Variants in KCNJ15 observed in about 807,000 individuals in gnomAD.
The protein encoded by KCNJ15 is potassium inwardly rectifying channel subfamily J member 15, also known as ATP-sensitive inward rectifier potassium channel 15.
A neutral mutation model predicts 23.0 loss-of-function variants in KCNJ15; 14 were observed. The ratio of observed to expected loss-of-function variants is 0.61; its 90% CI spans 0.40 to 0.95. KCNJ15 has a LOEUF of 0.95. KCNJ15 is among the 40% of genes least tolerant of loss of function. KCNJ15 has a pLI of 0.00. For missense variants in KCNJ15, 388 were observed against 461.8 expected (o/e 0.84, Z 1.46); for synonymous variants, 185 against 183.2 (o/e 1.01, Z -0.08).
At chr21:38,286,555 G>A (rs537064789) in intron 1 of KCNJ15, among the ~76,000 whole-genome samples, 1 of 152,304 alleles carries the variant, frequency 6.6e-6, no homozygotes, top group Admixed American at 6.5e-5. Context: ...TAAGTGTCCA[G>A]CCAATTTTCA....
chr21:38,280,113 C>G (rs1209242996), intron 1 of KCNJ15, among the ~76,000 whole-genome samples: 1 of 152,124 alleles, frequency 6.6e-6, no homozygotes, highest in Non-Finnish European at 1.5e-5. Context: ...AGACTGAGTC[C>G]TGGTGGGCCA....
At chr21:38,230,571 GT>G (rs568450603) in intron 1 of KCNJ15, among the ~76,000 whole-genome samples, 22 of 150,996 alleles carry the variant, frequency 1.5e-4, no homozygotes, top group African/African-American at 2.9e-4. Flanking sequence ...TCTCTTGTCA[GT>G]TTTTTTTTGT....
chr21:38,246,759 G>A (rs1318577834), intron 1 of KCNJ15, among the ~76,000 whole-genome samples: 1 of 152,190 alleles, frequency 6.6e-6, no homozygotes, highest in African/African-American at 2.4e-5. Context: ...AGGAGTGTGT[G>A]TGTGGGTTAA....
intron 1 of KCNJ15, among the ~76,000 whole-genome samples, chr21:38,247,684 A>G (rs1488262117): frequency 1.3e-5 from 2 of 152,224 alleles, no homozygotes; most frequent in Admixed American, 6.5e-5. Flanking sequence ...CTGTATGCCC[A>G]TATGTTCTTC....
In KCNJ15 at chr21:38,273,520, A is replaced by T. The variant is rs16997987; in HGVS notation, c.-117+16335A>T. 8.3e-3 allele frequency among the ~76,000 whole-genome samples: 1,272 copies of T among 152,352 alleles called. 23 individuals are homozygous for T. The highest frequency in any genetic ancestry group is 0.029 in the African/African-American group (1,190 of 41,562). ...ACCTATTCATGTCTAATACTTTTCT[A>T]CTTGGTCTATTTCCATGTCCTGTCA... On this transcript the variant is annotated intron_variant, in intron 1 of 2. Coordinates refer to ENST00000398938, the MANE Select transcript of KCNJ15 (RefSeq NM_170736.3).
At chr21:38,255,266 G>A (rs2123591159), upstream of KCNJ15, among the ~76,000 whole-genome samples, 1 of 152,336 alleles carries the variant, frequency 6.6e-6, no homozygotes, top group East Asian at 1.9e-4. Flanking sequence ...ATTCCAGGCC[G>A]AGGAAACAGC....
intron 1 of KCNJ15, among the ~76,000 whole-genome samples, chr21:38,288,018 G>GTTTTTTCTT (rs1569010852): frequency 3.8e-5 from 1 of 26,018 alleles, no homozygotes; most frequent in African/African-American, 9.6e-5. Context: ...TAAATAACTT[G>GTTTTTTCTT]TTTTTTTCTT....
At chr21:38,273,816 G>A (rs1434044285) in intron 1 of KCNJ15, among the ~76,000 whole-genome samples, 1 of 152,214 alleles carries the variant, frequency 6.6e-6, no homozygotes, top group African/African-American at 2.4e-5. Context: ...TGACCATGCT[G>A]GAAGAAGACT....
chr21:38,289,767 C>T (rs1267639780), intron 1 of KCNJ15, among the ~76,000 whole-genome samples: 4 of 152,118 alleles, frequency 2.6e-5, no homozygotes, highest in African/African-American at 9.7e-5. Context: ...CAGTGCATTA[C>T]GGAGGCTGAC....
intron 1 of KCNJ15, among the ~76,000 whole-genome samples, chr21:38,249,203 A>G (rs1726960765): frequency 6.6e-6 from 1 of 152,178 alleles, no homozygotes; most frequent in African/African-American, 2.4e-5. Flanking sequence ...GCAAGATAAG[A>G]CATACCACTG....
At chr21:38,245,156 C>T (rs7277510) in intron 1 of KCNJ15, among the ~76,000 whole-genome samples, 9,717 of 151,802 alleles carry the variant, frequency 0.064, 670 homozygotes, top group African/African-American at 0.17. Context: ...GAAGGCAAGG[C>T]GGGGCTGGAG....
rs117579391 is a variant in KCNJ15 at position 38,271,688 on chromosome 21, C to T, written c.-117+14503C>T. On this transcript the variant is annotated intron_variant, in intron 1 of 2. Coordinates refer to ENST00000398938, the MANE Select transcript of KCNJ15 (RefSeq NM_170736.3). ...TGGAAGGCAATGAGCTTGTGTGCTA[C>T]ACTGCTTAGGCCACACGATCCCCCA... Among the ~76,000 whole-genome samples the T allele has an allele frequency of 4.5e-4, 68 of 152,292 alleles. 1 individual carries two copies. In the East Asian group the frequency reaches 0.013, roughly 28 times the overall value.
intron 1 of KCNJ15, among the ~76,000 whole-genome samples, chr21:38,274,302 A>G (rs922332845): frequency 1.6e-4 from 25 of 152,178 alleles, no homozygotes; most frequent in African/African-American, 6.0e-4. Flanking sequence ...AGTTTGTTCC[A>G]CATCCTTCAG....
intron 1 of KCNJ15, among the ~76,000 whole-genome samples, chr21:38,292,893 C>T (rs370948473): frequency 5.3e-5 from 8 of 150,654 alleles, no homozygotes; most frequent in African/African-American, 1.5e-4. Flanking sequence ...CGCTTGAACC[C>T]AGGAGGCAGA....
chr21:38,242,030 G>T (rs192192368), intron 1 of KCNJ15, among the ~76,000 whole-genome samples: 1 of 151,438 alleles, frequency 6.6e-6, no homozygotes, highest in Non-Finnish European at 1.5e-5. Flanking sequence ...CTGTCCACAT[G>T]GTCCCAGAGT....
rs1396330547 is a variant in KCNJ15 at position 38,300,425 on chromosome 21, T to A, written c.*36T>A. The A allele has an allele frequency of 2.6e-6, 4 of 1,541,854 alleles. No individual in the cohort carries two copies. The highest frequency in any genetic ancestry group is 1.4e-5 in the African/African-American group (1 of 72,534). On this transcript the variant is annotated 3_prime_UTR_variant, in exon 3 of 3. Coordinates refer to ENST00000398938, the MANE Select transcript of KCNJ15 (RefSeq NM_170736.3). Reference sequence around the variant, plus strand: ...GCCATCCAGGTTTAACCCTGCAAGCTGTTTCCACATCAGAACTCCCTTCAA... The same window carrying A: ...GCCATCCAGGTTTAACCCTGCAAGCAGTTTCCACATCAGAACTCCCTTCAA...
chr21:38,275,920 C>T (rs1005913399), intron 1 of KCNJ15, among the ~76,000 whole-genome samples: 1 of 152,164 alleles, frequency 6.6e-6, no homozygotes, highest in African/African-American at 2.4e-5. Flanking sequence ...AGTCCTCCTC[C>T]TGGAAATCCT....
chr21:38,244,675 T>C (rs1259582982), intron 1 of KCNJ15, among the ~76,000 whole-genome samples: 1 of 152,088 alleles, frequency 6.6e-6, no homozygotes, highest in Non-Finnish European at 1.5e-5. Flanking sequence ...AAAACATCAT[T>C]ATCTCTGGTT....
intron 1 of KCNJ15, among the ~76,000 whole-genome samples, chr21:38,290,664 T>C (rs1449952312): frequency 6.6e-6 from 1 of 152,000 alleles, no homozygotes; most frequent in Non-Finnish European, 1.5e-5. Context: ...GTAGCTCAGG[T>C]GTGGAGCCTG....
Sources: allele counts gnomAD v4.1 joint callset (sites outside exome capture counted in the v4.1 genomes callset), GRCh38; gene constraint gnomAD v4.1.1; transcripts MANE v1.5; gene names NCBI Gene and HGNC (gene_info 2026-07-23, HGNC 2026-07-21).